RBFOX1: variants seen among roughly 807,000 people sequenced by gnomAD.
RBFOX1 encodes the protein RNA binding fox-1 homolog 1.
RBFOX1 carries 8 observed loss-of-function variants against 57.7 expected under a neutral mutation model. The observed-to-expected ratio is 0.14, with a 90% confidence interval of 0.08 to 0.25. The LOEUF (loss-of-function observed/expected upper bound fraction) is 0.25, where lower values mean the gene tolerates loss of function less well. Ranked by LOEUF, RBFOX1 falls within the 10% of genes least tolerant of loss-of-function variation. The probability of loss-of-function intolerance (pLI) is 1.00; values close to 1 mark genes in which losing one functional copy is unlikely to be tolerated. For missense variants in RBFOX1, 611 were observed against 548.5 expected (o/e 1.11, Z -1.14); for synonymous variants, 326 against 222.4 (o/e 1.47, Z -4.15).
chr16:7,363,248 C>A (rs151268398), intron 4 of RBFOX1, among the ~76,000 whole-genome samples: 1 of 152,122 alleles, frequency 6.6e-6, no homozygotes, highest in Non-Finnish European at 1.5e-5. Context: ...TGTTGTGTTA[C>A]TGGGCGGGGG....
At chr16:7,264,797 C>G (rs1379220016) in intron 4 of RBFOX1, among the ~76,000 whole-genome samples, 1 of 152,106 alleles carries the variant, frequency 6.6e-6, no homozygotes, top group Non-Finnish European at 1.5e-5. Flanking sequence ...CTGTCATTTG[C>G]CAGCCCTGGT....
intron 2 of RBFOX1, among the ~76,000 whole-genome samples, chr16:6,562,969 C>T (rs1281881694): frequency 1.4e-5 from 2 of 144,742 alleles, no homozygotes; most frequent in Non-Finnish European, 3.0e-5. Context: ...TGGGTATGTC[C>T]TTCTGTGCAA....
intron 3 of RBFOX1, among the ~76,000 whole-genome samples, chr16:5,641,072 T>C (rs1169673315): frequency 1.1e-4 from 15 of 141,446 alleles, no homozygotes; most frequent in African/African-American, 2.9e-4. Context: ...ATGCACACCA[T>C]ACACACACAC....
chr16:5,565,009 C>T (rs2046015725), intron 2 of RBFOX1, among the ~76,000 whole-genome samples: 1 of 152,170 alleles, frequency 6.6e-6, no homozygotes, highest in South Asian at 2.1e-4. Context: ...GCCCTAGCCA[C>T]TCACATTGTT....
intron 3 of RBFOX1, among the ~76,000 whole-genome samples, chr16:6,672,617 C>T (rs1463255375): frequency 6.6e-6 from 1 of 152,104 alleles, no homozygotes; most frequent in Non-Finnish European, 1.5e-5. Context: ...TATAAGACTA[C>T]TGACTTCAGG....
At chr16:6,239,328 C>T (rs772848055) in intron 1 of RBFOX1, among the ~76,000 whole-genome samples, 5 of 151,914 alleles carry the variant, frequency 3.3e-5, no homozygotes, top group Non-Finnish European at 5.9e-5. Context: ...CCCACCGTGT[C>T]CGAAGGGACC....
chr16:6,828,336 C>T (rs1287629781), intron 3 of RBFOX1, among the ~76,000 whole-genome samples: 1 of 151,894 alleles, frequency 6.6e-6, no homozygotes, highest in South Asian at 2.1e-4. Context: ...GCATCGTGGC[C>T]AACATGATGA....
At chr16:6,264,634 C>T (rs573730136) in intron 1 of RBFOX1, among the ~76,000 whole-genome samples, 5 of 152,262 alleles carry the variant, frequency 3.3e-5, no homozygotes, top group African/African-American at 7.2e-5. Context: ...CTCTCCCCAC[C>T]GCTAATGTGC....
intron 3 of RBFOX1, among the ~76,000 whole-genome samples, chr16:7,031,582 C>T (rs747360783): frequency 6.8e-6 from 1 of 147,832 alleles, no homozygotes; most frequent in Non-Finnish European, 1.5e-5. Flanking sequence ...GCCGAGGCAA[C>T]AGAGTGAGAC....
chr16:5,746,428 T>C (rs2151605879), intron 3 of RBFOX1, among the ~76,000 whole-genome samples: 1 of 152,338 alleles, frequency 6.6e-6, no homozygotes, highest in Non-Finnish European at 1.5e-5. Context: ...GCGGGCTCTT[T>C]TTTGGTTCCA....
chr16:6,894,160 A>G (rs1567754489), intron 3 of RBFOX1, among the ~76,000 whole-genome samples: 1 of 152,218 alleles, frequency 6.6e-6, no homozygotes, highest in African/African-American at 2.4e-5. Context: ...ATTGCTACCT[A>G]TCTCTTGTCT....
At chr16:7,235,290 A>G (rs772593386) in intron 4 of RBFOX1, among the ~76,000 whole-genome samples, 3 of 152,204 alleles carry the variant, frequency 2.0e-5, no homozygotes, top group Admixed American at 6.5e-5. Context: ...CCACTTGTTC[A>G]TTATTGACTA....
chr16:6,886,794 C>G (rs56204028), intron 3 of RBFOX1, among the ~76,000 whole-genome samples: 11,629 of 150,126 alleles, frequency 0.077, 500 homozygotes, highest in South Asian at 0.17. Flanking sequence ...AAAAAAAAAA[C>G]CAGAAAAAAA....
intron 3 of RBFOX1, among the ~76,000 whole-genome samples, chr16:6,898,571 C>T (rs1027088633): frequency 5.3e-5 from 8 of 152,148 alleles, no homozygotes; most frequent in Non-Finnish European, 1.0e-4. Context: ...TTACACGGTA[C>T]ATAAACTTCT....
chr16:6,594,013 C>G (rs1053286358), intron 2 of RBFOX1, among the ~76,000 whole-genome samples: 1 of 152,144 alleles, frequency 6.6e-6, no homozygotes, highest in Non-Finnish European at 1.5e-5. Flanking sequence ...AGTGTTACAG[C>G]TTGGACTGAA....
intron 4 of RBFOX1, among the ~76,000 whole-genome samples, chr16:5,917,387 C>T (rs147541124): frequency 2.3e-3 from 351 of 152,332 alleles, no homozygotes; most frequent in African/African-American, 8.0e-3. Flanking sequence ...TCCCAACAGC[C>T]TAAGAGATTT....
At chr16:6,003,830 A>G (rs757566260) in intron 4 of RBFOX1, among the ~76,000 whole-genome samples, 5 of 152,184 alleles carry the variant, frequency 3.3e-5, no homozygotes, top group Non-Finnish European at 7.4e-5. Context: ...GTGCCCCCCA[A>G]CTGAGGCCTC....
At chr16:7,644,579 C>T (rs1442022779) in intron 11 of RBFOX1, among the ~76,000 whole-genome samples, 1 of 152,154 alleles carries the variant, frequency 6.6e-6, no homozygotes, top group Admixed American at 6.5e-5. Flanking sequence ...CATTTTCTTT[C>T]GTAACTGTAG....
intron 4 of RBFOX1, among the ~76,000 whole-genome samples, chr16:5,984,787 T>A (rs2060247951): frequency 6.6e-6 from 1 of 151,930 alleles, no homozygotes; most frequent in African/African-American, 2.4e-5. Flanking sequence ...TCTGGCCTTT[T>A]GCTCCTAGGC....
Sources: allele counts gnomAD v4.1 joint callset (sites outside exome capture counted in the v4.1 genomes callset), GRCh38; gene constraint gnomAD v4.1.1; transcripts MANE v1.5; gene names NCBI Gene and HGNC (gene_info 2026-07-23, HGNC 2026-07-21).